Variants in ENTHD1 observed in about 807,000 individuals in gnomAD.
ENTHD1 encodes the protein ENTH domain-containing protein 1.
ENTHD1 carries 23 observed loss-of-function variants against 39.1 expected under a neutral mutation model. The ratio of observed to expected loss-of-function variants is 0.59; its 90% CI spans 0.42 to 0.83. The LOEUF (loss-of-function observed/expected upper bound fraction) is 0.83. Among genes scored for constraint, ENTHD1 ranks in the 40% least tolerant of loss-of-function variants. The probability of loss-of-function intolerance (pLI) is 0.00; values close to 1 mark genes in which losing one functional copy is unlikely to be tolerated. For synonymous variants in ENTHD1, 230 were observed against 258.2 expected (o/e 0.89, Z 1.05); for missense variants, 624 against 705.4 (o/e 0.88, Z 1.31).
intron 3 of ENTHD1, among the ~76,000 whole-genome samples, chr22:39,861,288 C>T (rs2066137616): frequency 6.6e-6 from 1 of 152,166 alleles, no homozygotes; most frequent in Admixed American, 6.5e-5. Context: ...GCCTATAATC[C>T]CAGCACTTTC....
chr22:39,845,074 T>TAA (rs771360467), intron 3 of ENTHD1, among the ~76,000 whole-genome samples: 74 of 120,982 alleles, frequency 6.1e-4, no homozygotes, highest in African/African-American at 2.2e-3. Context: ...AAAAATGGAT[T>TAA]AAAAAAAAAA....
At chr22:39,834,246 C>T (rs1014450274) in intron 4 of ENTHD1, among the ~76,000 whole-genome samples, 4 of 152,054 alleles carry the variant, frequency 2.6e-5, no homozygotes, top group Non-Finnish European at 5.9e-5. Flanking sequence ...TGACAAAGAA[C>T]TTATATCCAG....
intron 3 of ENTHD1, among the ~76,000 whole-genome samples, chr22:39,860,407 T>G (rs1445693874): frequency 6.6e-6 from 1 of 152,194 alleles, no homozygotes; most frequent in Non-Finnish European, 1.5e-5. Context: ...AATTTCAGAA[T>G]GAGTGGCTGT....
chr22:39,869,006 T>C (rs1442583775), intron 2 of ENTHD1, among the ~76,000 whole-genome samples: 1 of 152,204 alleles, frequency 6.6e-6, no homozygotes, highest in Non-Finnish European at 1.5e-5. Flanking sequence ...AAGGGGACAC[T>C]TGTATACTAC....
chr22:39,768,175 G>A lies in ENTHD1; in HGVS notation c.833-2566C>T, dbSNP rs536491496. On this transcript the variant is annotated intron_variant, in intron 5 of 6. Transcript: ENST00000325157. Reference sequence around the variant, plus strand: ...TCCACCCCTGCTGTCTATGCAATGCGTCAAATTATTCCTCTCCAATTCAAT... The same window carrying A: ...TCCACCCCTGCTGTCTATGCAATGCATCAAATTATTCCTCTCCAATTCAAT... 1.4e-4 allele frequency among the ~76,000 whole-genome samples: 21 copies of A among 152,224 alleles called. No individual in the cohort carries two copies. In the East Asian group the frequency reaches 2.9e-3, roughly 21 times the overall value.
intron 6 of ENTHD1, among the ~76,000 whole-genome samples, chr22:39,759,597 A>T (rs944133345): frequency 6.6e-6 from 1 of 151,806 alleles, no homozygotes; most frequent in African/African-American, 2.4e-5. Context: ...TTTGTTGTTT[A>T]CTTCCTTTTA....
At chr22:39,889,762 A>G (rs1474423456) in intron 1 of ENTHD1, among the ~76,000 whole-genome samples, 1 of 152,086 alleles carries the variant, frequency 6.6e-6, no homozygotes, top group African/African-American at 2.4e-5. Context: ...TCTTTTTGGT[A>G]AAAATACAAC....
At chr22:39,810,062 C>G (rs1311396008) in intron 5 of ENTHD1, among the ~76,000 whole-genome samples, 1 of 152,110 alleles carries the variant, frequency 6.6e-6, no homozygotes, top group Non-Finnish European at 1.5e-5. Flanking sequence ...TTATCCAGCT[C>G]CTAAGCCTAG....
chr22:39,783,635 G>GA (rs141321512), intron 5 of ENTHD1, among the ~76,000 whole-genome samples: 15,568 of 151,938 alleles, frequency 0.1, 929 homozygotes, highest in Middle Eastern at 0.14. Flanking sequence ...AAGGTGCCAA[G>GA]ACACACAATG....
chr22:39,790,621 C>T (rs1342834817), intron 5 of ENTHD1, among the ~76,000 whole-genome samples: 1 of 152,196 alleles, frequency 6.6e-6, no homozygotes, highest in Non-Finnish European at 1.5e-5. Context: ...GGGGCACAGG[C>T]CAGTCCCAAC....
In ENTHD1 at chr22:39,765,252, T is replaced by C. The variant is rs758816646; in HGVS notation, c.1190A>G (p.Asp397Gly). The C allele has an allele frequency of 1.1e-5, 17 of 1,611,996 alleles. No homozygotes were observed. The highest frequency in any genetic ancestry group is 1.3e-5 in the African/African-American group (1 of 74,790). The change falls in exon 6 of 7, where the codon GAT (aspartate) becomes GGT (glycine). Residue 397 changes from aspartate to glycine, a missense_variant. Coordinates refer to ENST00000325157, the MANE Select transcript of ENTHD1 (RefSeq NM_152512.4). ...TGTGGTTGTCTTGAGGATTTTATCATCCATCTGAATGCTGGATTGTGCTGG... is the reference window on the plus strand; with the variant it reads ...TGTGGTTGTCTTGAGGATTTTATCACCCATCTGAATGCTGGATTGTGCTGG... ...QKPAQSSIQM[D>G]DKILKTTTRV...
At chr22:39,852,071 T>G (rs2066044769) in intron 3 of ENTHD1, among the ~76,000 whole-genome samples, 1 of 152,042 alleles carries the variant, frequency 6.6e-6, no homozygotes, top group Non-Finnish European at 1.5e-5. Context: ...GATGGCTCAC[T>G]CCTGTAATCC....
chr22:39,878,169 C>T (rs2066306776), intron 2 of ENTHD1, among the ~76,000 whole-genome samples: 1 of 152,098 alleles, frequency 6.6e-6, no homozygotes, highest in African/African-American at 2.4e-5. Context: ...TGAAGAATGC[C>T]TTTGGCAGGC....
intron 6 of ENTHD1, among the ~76,000 whole-genome samples, chr22:39,761,742 A>T (rs935918335): frequency 6.6e-6 from 1 of 151,396 alleles, no homozygotes; most frequent in African/African-American, 2.4e-5. Flanking sequence ...TTTCATTTCA[A>T]TTATTTATCT....
At chr22:39,785,559 C>A (rs2065449715) in intron 5 of ENTHD1, among the ~76,000 whole-genome samples, 1 of 152,188 alleles carries the variant, frequency 6.6e-6, no homozygotes. Context: ...TTGGTTGTTG[C>A]TGCCTCTTTG....
chr22:39,813,470 G>A (rs944294105), intron 5 of ENTHD1, among the ~76,000 whole-genome samples: 3 of 152,164 alleles, frequency 2.0e-5, no homozygotes, highest in African/African-American at 4.8e-5. Flanking sequence ...TTTAATATCT[G>A]GAAATCAACT....
At chr22:39,744,402 G>T in intron 6 of ENTHD1, 119 bp from the exon 7 acceptor site, 1 of 911,342 alleles carries the variant, frequency 1.1e-6, no homozygotes, top group Non-Finnish European at 1.5e-6. Context: ...AAACTGCTTA[G>T]AATTTTAAAT....
intron 3 of ENTHD1, among the ~76,000 whole-genome samples, chr22:39,842,681 A>C (rs1383945617): frequency 6.6e-6 from 1 of 151,822 alleles, no homozygotes; most frequent in East Asian, 1.9e-4. Context: ...CAACCTACAA[A>C]ATGGGAGAAA....
intron 6 of ENTHD1, among the ~76,000 whole-genome samples, chr22:39,751,880 T>G (rs539282970): frequency 9.9e-5 from 15 of 152,200 alleles, no homozygotes; most frequent in Non-Finnish European, 2.1e-4. Flanking sequence ...TCTGTCATTT[T>G]TGTTTCCTTT....
Sources: gnomAD v4.1 joint callset for allele counts (sites outside exome capture counted in the v4.1 genomes callset) on GRCh38, gnomAD v4.1.1 for gene constraint, MANE v1.5 for transcripts, NCBI Gene and HGNC (gene_info 2026-07-23, HGNC 2026-07-21) for gene names.